CASP6: variants seen among roughly 807,000 people sequenced by gnomAD.
CASP6 encodes caspase 6.
Under a neutral mutation model 31.8 loss-of-function variants are expected in CASP6, and 20 were observed. The observed-to-expected ratio is 0.63, with a 90% CI of 0.44 to 0.91. The LOEUF (loss-of-function observed/expected upper bound fraction) is 0.91. CASP6 is among the 40% of genes least tolerant of loss of function. CASP6 has a pLI of 0.00. For missense variants in CASP6, 328 were observed against 361.1 expected (o/e 0.91, Z 0.74); for synonymous variants, 130 against 127.8 (o/e 1.02, Z -0.12).
At chr4:109,702,996 A>G in intron 1 of CASP6, 1 of 297,238 alleles carries the variant, frequency 3.4e-6, no homozygotes, top group Non-Finnish European at 6.2e-6. Flanking sequence ...GGTGTGGGGG[A>G]ACGCCAGGCC....
chr4:109,671,232 T>C, the CASP6 span, among the ~76,000 whole-genome samples: 2 of 152,194 alleles, frequency 1.3e-5, no homozygotes, highest in African/African-American at 2.4e-5. Flanking sequence ...AGAGAGCTTT[T>C]TTCATCTCAA....
At chr4:109,697,589 T>G in intron 3 of CASP6, 33 bp downstream of exon 3, 1 of 1,574,852 alleles carries the variant, frequency 6.3e-7, no homozygotes, top group Non-Finnish European at 8.6e-7. Flanking sequence ...ATCACTTAAC[T>G]GCCTCATCTT....
rs903163267 is a variant in CASP6 at position 109,689,144 on chromosome 4, T to A, written c.*186A>T. ...GCATGCGCCGCCATGCCTAGCTAAA[T>A]TTTTTTTTGCATTTTTAGTAGAGAC... On this transcript the variant is annotated 3_prime_UTR_variant, in exon 7 of 7. Coordinates refer to ENST00000265164, the MANE Select transcript of CASP6 (RefSeq NM_001226.4). The A allele has an allele frequency of 2.1e-6, 1 of 468,012 alleles. No homozygotes were observed. Among genetic ancestry groups the A allele is most frequent in the Non-Finnish European group, 3.9e-6 (1 of 256,634 alleles). 29.0% of individuals were successfully genotyped at this position (468,012 alleles called of 1,614,324 possible).
At chr4:109,665,635 G>C in the CASP6 span, among the ~76,000 whole-genome samples, 2 of 151,982 alleles carry the variant, frequency 1.3e-5, no homozygotes, top group Non-Finnish European at 2.9e-5. Flanking sequence ...CTGTGTAAAT[G>C]GTTGTTATAC....
chr4:109,676,776 A>G, the CASP6 span, among the ~76,000 whole-genome samples: 1 of 152,262 alleles, frequency 6.6e-6, no homozygotes, highest in Non-Finnish European at 1.5e-5. Context: ...GTGACAAACT[A>G]ATTTACCTGG....
At chr4:109,675,580 A>C in the CASP6 span, among the ~76,000 whole-genome samples, 7 of 152,354 alleles carry the variant, frequency 4.6e-5, no homozygotes, top group Non-Finnish European at 1.5e-5. Flanking sequence ...TAGGTCAATA[A>C]GCCATACAAC....
Position 109,697,671 on chromosome 4 carries a change from G to A in CASP6, c.181C>T (p.Leu61=). 1 of 1,613,998 alleles carries A rather than the reference G, an allele frequency of 6.2e-7. No individual in the cohort carries two copies. The highest frequency in any genetic ancestry group is 1.1e-5 in the South Asian group (1 of 90,990). Reference sequence around the variant, plus strand: ...GCGCAGGTGCCCCGCCTTTCTGGCAGTGTTAAGTGCCAAAAGAACCTCTCA... The same window carrying A: ...GCGCAGGTGCCCCGCCTTTCTGGCAATGTTAAGTGCCAAAAGAACCTCTCA... ...NHERFFWHLT[L]PERRGTCADR... The change falls in exon 3 of 7, where the codon CTG becomes TTG. Residue 61 remains leucine (L), a synonymous_variant. Transcript: ENST00000265164.
At chr4:109,696,288 C>A in intron 4 of CASP6, 122 bp downstream of exon 4, 2 of 653,684 alleles carry the variant, frequency 3.1e-6, no homozygotes, top group East Asian at 2.7e-5. Flanking sequence ...AAACCTGTAA[C>A]CTGTGCTAAA....
At chr4:109,694,765 T>C (rs1458045650) in intron 4 of CASP6, 65 bp from the exon 5 acceptor site, 6 of 1,376,258 alleles carry the variant, frequency 4.4e-6, no homozygotes, top group Non-Finnish European at 5.8e-6. Flanking sequence ...CACATAAAAA[T>C]TCAGTTTATT....
chr4:109,689,284 A>G lies in CASP6; in HGVS notation c.*46T>C. ...GTGTGAGTAACCACGCCTGGCTGAG[A>G]AAGCCATTTTCAATACAGAGTGTAA... On this transcript the variant is annotated 3_prime_UTR_variant, in exon 7 of 7. Transcript: ENST00000265164. The G allele has an allele frequency of 1.3e-6, 2 of 1,574,240 alleles. No individual in the cohort carries two copies. The highest frequency in any genetic ancestry group is 1.7e-6 in the Non-Finnish European group (2 of 1,146,608).
chr4:109,686,545 T>G (rs1211303619), downstream of CASP6, among the ~76,000 whole-genome samples: 1 of 152,214 alleles, frequency 6.6e-6, no homozygotes, highest in East Asian at 1.9e-4. Flanking sequence ...TAATCCTATC[T>G]GAGAAGGCTA....
At chr4:109,708,400 CTTG>C (rs1188989274), upstream of CASP6, among the ~76,000 whole-genome samples, 2 of 152,222 alleles carry the variant, frequency 1.3e-5, no homozygotes, top group South Asian at 2.1e-4. Context: ...TTATTACCAT[CTTG>C]TTGTACTCGT....
At chr4:109,687,239 G>A (rs986880784), downstream of CASP6, among the ~76,000 whole-genome samples, 1 of 151,924 alleles carries the variant, frequency 6.6e-6, no homozygotes, top group Non-Finnish European at 1.5e-5. Flanking sequence ...GGCACCTGTG[G>A]TCCTAGCTAC....
chr4:109,706,496 T>C (rs1730621942), upstream of CASP6, among the ~76,000 whole-genome samples: 1 of 152,136 alleles, frequency 6.6e-6, no homozygotes, highest in Admixed American at 6.6e-5. Context: ...TGTGTTTAAA[T>C]GACAACAAAG....
At chr4:109,689,763 A>T (rs1013338195) in intron 6 of CASP6, among the ~76,000 whole-genome samples, 195 bp from the exon 7 acceptor site, 1 of 152,230 alleles carries the variant, frequency 6.6e-6, no homozygotes, top group African/African-American at 2.4e-5. Flanking sequence ...ATAGTTTTAT[A>T]TACACGGGGT....
chr4:109,688,576 T>TATCA (rs1014801849), downstream of CASP6: 7 of 152,168 alleles, frequency 4.6e-5, no homozygotes, highest in African/African-American at 7.2e-5. Flanking sequence ...AAAAAACATC[T>TATCA]ATCAATTACA....
intron 6 of CASP6, among the ~76,000 whole-genome samples, chr4:109,690,522 CAAA>C (rs35382792): frequency 7.6e-6 from 1 of 130,958 alleles, no homozygotes; most frequent in Non-Finnish European, 1.6e-5. Flanking sequence ...GACCTTGTCT[CAAA>C]AAAAAAAAAA....
In CASP6 at chr4:109,697,894, G is replaced by A. The variant is rs5030551; in HGVS notation, c.84-126C>T. ...CTTGCCAGGCTGATGTTCCATGGGT[G>A]TGCTCCAGGAAAGGCCATGCTAATA... On this transcript the variant is annotated intron_variant, in intron 2 of 6. Coordinates refer to ENST00000265164, the MANE Select transcript of CASP6 (RefSeq NM_001226.4). The A allele has an allele frequency of 5.9e-3, 6,155 of 1,047,886 alleles. 249 individuals carry two copies. In the African/African-American group the frequency reaches 0.088, roughly 15 times the overall value. 64.9% of individuals were successfully genotyped at this position (1,047,886 alleles called of 1,614,324 possible). A position where few individuals can be genotyped will look rare whatever the true frequency, so the allele number is the denominator to read the frequency against.
At chr4:109,679,072 T>A in the CASP6 span, among the ~76,000 whole-genome samples, 2 of 147,158 alleles carry the variant, frequency 1.4e-5, no homozygotes, top group African/African-American at 5.1e-5. Context: ...GCAGAGGCGC[T>A]CCTCACTTCC....
Sources: gnomAD v4.1 joint callset for allele counts (sites outside exome capture counted in the v4.1 genomes callset) on GRCh38, gnomAD v4.1.1 for gene constraint, MANE v1.5 for transcripts, NCBI Gene and HGNC (gene_info 2026-07-23, HGNC 2026-07-21) for gene names.